GGA2: variants seen among roughly 807,000 people sequenced by gnomAD.
GGA2 encodes the protein golgi associated, gamma adaptin ear containing, ARF binding protein 2, also known as ADP-ribosylation factor-binding protein GGA2.
In GGA2, 48 loss-of-function variants were observed where a neutral mutation model predicts 79.5. The observed-to-expected ratio is 0.60, with a 90% CI of 0.48 to 0.77. The LOEUF (loss-of-function observed/expected upper bound fraction) is 0.77. Among genes scored for constraint, GGA2 ranks in the 30% least tolerant of loss-of-function variants. The pLI is 0.00. For missense variants in GGA2, 770 were observed against 774.0 expected (o/e 0.99, Z 0.06); for synonymous variants, 317 against 302.0 (o/e 1.05, Z -0.51).
intron 11 of GGA2, 134 bp downstream of exon 11, chr16:23,479,631 G>T: frequency 9.7e-7 from 1 of 1,034,814 alleles, no homozygotes; most frequent in Non-Finnish European, 1.4e-6. Flanking sequence ...GCTCCCAGAG[G>T]GAACCAGCTC....
intron 2 of GGA2, chr16:23,495,460 A>T (rs930804685): frequency 2.7e-5 from 9 of 336,642 alleles, no homozygotes; most frequent in African/African-American, 1.9e-4. Flanking sequence ...TGCCAGCCTG[A>T]CTGCATTTCT....
Position 23,465,050 on chromosome 16 carries a change from A to G in GGA2, c.*2540T>C. 1 of 490,498 alleles carries G rather than the reference A, an allele frequency of 2.0e-6. No homozygotes were observed. The highest frequency in any genetic ancestry group is 1.9e-5 in the African/African-American group (1 of 52,010). The allele number at this position is 490,498 out of a possible 1,614,324, so 30.4% of individuals were successfully genotyped here. On this transcript the variant is annotated 3_prime_UTR_variant, in exon 17 of 17. Coordinates refer to ENST00000309859, the MANE Select transcript of GGA2 (RefSeq NM_015044.4). ...TTCAAGATACTGGAAAGCACTGGCC[A>G]TGAGTGCCAGATCTCCAGCACACAC...
At position 23,480,652 on chromosome 16, in the gene GGA2, G is replaced by A. The variant is rs777087598; in HGVS notation, c.999C>T (p.Val333=). ...RVTSSLGDIP[V]SRVFQNPAGC... ...AGAAGCTTTCAAACATACCTCTGGAGACAGGGATGTCTCCCAATGAGCTGG... is the reference window on the plus strand; with the variant it reads ...AGAAGCTTTCAAACATACCTCTGGAAACAGGGATGTCTCCCAATGAGCTGG... Residue 333 remains valine (V), a synonymous_variant, in exon 10 of 17, where the codon GTC becomes GTT. Transcript: ENST00000309859. 3.1e-6 allele frequency: 5 copies of A among 1,612,284 alleles called. No individual in the cohort carries two copies. The highest frequency in any genetic ancestry group is 4.2e-6 in the Non-Finnish European group (5 of 1,178,552).
At position 23,491,701 on chromosome 16, in the gene GGA2, C is replaced by A; in HGVS notation, c.451G>T (p.Ala151Ser). ...WFPEDIKIRD[A>S]YQMLKKQGII... ...CCTTGTTTCTTCAGCATCTGATAAG[C>A]GTCTCGAATCTTGATGTCTTCCGGA... The change falls in exon 5 of 17, where the codon GCT becomes TCT. Residue 151 changes from alanine to serine, a missense_variant. Transcript: ENST00000309859. The A allele has an allele frequency of 6.2e-7, 1 of 1,612,646 alleles. No homozygotes were observed. Among genetic ancestry groups the A allele is most frequent in the Non-Finnish European group, 8.5e-7 (1 of 1,178,718 alleles).
intron 5 of GGA2, among the ~76,000 whole-genome samples, chr16:23,490,029 G>C (rs1179758710): frequency 6.6e-6 from 1 of 152,180 alleles, no homozygotes; most frequent in Non-Finnish European, 1.5e-5. Flanking sequence ...AATCAGAACA[G>C]AGACTGGCCC....
chr16:23,514,639 A>G (rs1219293946), upstream of GGA2, among the ~76,000 whole-genome samples: 1 of 151,988 alleles, frequency 6.6e-6, no homozygotes, highest in African/African-American at 2.4e-5. Context: ...TTTTGTAGAG[A>G]TAAGGTCTCA....
chr16:23,468,672 C>A lies in GGA2; in HGVS notation c.1731+214G>T, dbSNP rs564424421. ...TATTTTTAGTAGAGATGGGGTTTCA[C>A]CATGTTGGCCAGGCTGGTCTCAAAC... On this transcript the variant is annotated intron_variant, in intron 16 of 16. Coordinates refer to ENST00000309859, the MANE Select transcript of GGA2 (RefSeq NM_015044.4). 2.8e-3 allele frequency among the ~76,000 whole-genome samples: 432 copies of A among 152,010 alleles called. 4 individuals are homozygous for A. Among genetic ancestry groups the A allele is most frequent in the Middle Eastern group, 6.8e-3 (2 of 292 alleles).
chr16:23,521,640 GCCTACCA>G (rs1489286418), intron 1 of GGA2, among the ~76,000 whole-genome samples: 1 of 152,146 alleles, frequency 6.6e-6, no homozygotes, highest in African/African-American at 2.4e-5. Flanking sequence ...CCTTTGACAA[GCCTACCA>G]CCTTTGCCTC....
intron 1 of GGA2, among the ~76,000 whole-genome samples, chr16:23,505,927 T>C (rs1384194400): frequency 6.6e-6 from 1 of 152,170 alleles, no homozygotes; most frequent in Non-Finnish European, 1.5e-5. Flanking sequence ...TTCTTTACTT[T>C]CCTTTTTTTG....
intron 6 of GGA2, among the ~76,000 whole-genome samples, chr16:23,487,619 G>A (rs554455219): frequency 3.3e-5 from 5 of 152,082 alleles, no homozygotes; most frequent in Admixed American, 6.5e-5. Context: ...CGGATGGCAG[G>A]AAAAGTGGGG....
At chr16:23,491,510 T>A in intron 5 of GGA2, among the ~76,000 whole-genome samples, 167 bp downstream of exon 5, 1 of 134,458 alleles carries the variant, frequency 7.4e-6, no homozygotes, top group African/African-American at 2.8e-5. Flanking sequence ...TAAAGGTAAG[T>A]AGATAAAAGA....
intron 1 of GGA2, among the ~76,000 whole-genome samples, chr16:23,498,755 TAA>T (rs776575076): frequency 1.3e-5 from 2 of 152,148 alleles, no homozygotes; most frequent in East Asian, 3.8e-4. Context: ...TTGTCCTACC[TAA>T]AGAGAATGAA....
At chr16:23,521,187 G>A (rs1323005856) in intron 1 of GGA2, among the ~76,000 whole-genome samples, 1 of 152,032 alleles carries the variant, frequency 6.6e-6, no homozygotes, top group Non-Finnish European at 1.5e-5. Context: ...GCGGCATTAC[G>A]TATCTTTATA....
intron 1 of GGA2, among the ~76,000 whole-genome samples, chr16:23,505,172 T>C (rs958381247): frequency 6.6e-6 from 1 of 152,098 alleles, no homozygotes; most frequent in Non-Finnish European, 1.5e-5. Context: ...ATTCAGCACA[T>C]GTGAAAACCT....
Position 23,465,168 on chromosome 16 carries a change from C to G in GGA2, c.*2422G>C, listed in dbSNP as rs1964419447. ...GGTCAACAACTAGCTTTTAAAAAAA[C>G]AGAGACACGGTCTCACTATGTAGCC... On this transcript the variant is annotated 3_prime_UTR_variant, in exon 17 of 17. Transcript: ENST00000309859. The G allele has an allele frequency of 1.7e-6, 1 of 593,786 alleles. No individual in the cohort carries two copies. The allele number at this position is 593,786 out of a possible 1,614,324, so 36.8% of individuals were successfully genotyped here. A position where few individuals can be genotyped will look rare whatever the true frequency, so the allele number is the denominator to read the frequency against.
At chr16:23,511,437 G>A (rs747321141), upstream of GGA2, among the ~76,000 whole-genome samples, 39 of 151,854 alleles carry the variant, frequency 2.6e-4, no homozygotes, top group Non-Finnish European at 4.1e-4. Flanking sequence ...GGGATTACAG[G>A]GGTGAGCCAC....
chr16:23,488,643 T>C lies in GGA2; in HGVS notation c.542A>G (p.Lys181Arg), dbSNP rs539319428. ...TTCATCAGCATCAAAGATGGAGCTC[T>C]TGGGCCAGGGAGATGGTGGGGGTAA... ...KILPPPSPWP[K>R]SSIFDADEEK... The change falls in exon 6 of 17, where the codon AAG (lysine) becomes AGG (arginine). Residue 181 changes from lysine to arginine, a missense_variant. Lys to Arg is a conservative substitution (Grantham distance 26). Coordinates refer to ENST00000309859, the MANE Select transcript of GGA2 (RefSeq NM_015044.4). 8 of 1,610,934 alleles carry C rather than the reference T, an allele frequency of 5.0e-6. No individual in the cohort carries two copies. The African/African-American group carries it at 6.7e-5, about 13-fold the overall frequency.
intron 3 of GGA2, 35 bp from the exon 4 acceptor site, chr16:23,493,493 A>G: frequency 1.5e-6 from 2 of 1,343,354 alleles, no homozygotes; most frequent in African/African-American, 2.9e-5. Flanking sequence ...AGAAGGTGGA[A>G]AGCCAGTGGT....
At chr16:23,470,493 G>A (rs1206542555) in intron 14 of GGA2, among the ~76,000 whole-genome samples, 1 of 152,016 alleles carries the variant, frequency 6.6e-6, no homozygotes. Flanking sequence ...CCAGGCGTGG[G>A]GGCTCACGCC....
Sources: allele counts gnomAD v4.1 joint callset (sites outside exome capture counted in the v4.1 genomes callset), GRCh38; gene constraint gnomAD v4.1.1; transcripts MANE v1.5; gene names NCBI Gene and HGNC (gene_info 2026-07-23, HGNC 2026-07-21).